The following CEP250 variants were observed in gnomAD, a reference collection of about 807,000 sequenced individuals.
CEP250 encodes the protein centrosome-associated protein CEP250.
CEP250 carries 242 observed loss-of-function variants against 315.7 expected under a neutral mutation model. The ratio of observed to expected loss-of-function variants is 0.77; its 90% CI spans 0.69 to 0.85. The LOEUF (loss-of-function observed/expected upper bound fraction) is 0.85. CEP250 is among the 40% of genes least tolerant of loss of function. The pLI, the probability that CEP250 is intolerant of heterozygous loss-of-function variation, is 0.00. For synonymous variants in CEP250, 1,088 were observed against 1,175.0 expected (o/e 0.93, Z 1.51); for missense variants, 2,515 against 2,886.4 (o/e 0.87, Z 2.95).
chr20:35,467,155 A>G, intron 8 of CEP250, 83 bp downstream of exon 8: 1 of 324,638 alleles, frequency 3.1e-6, no homozygotes. Context: ...AAGCGGGATC[A>G]GCTGTGGGGG....
At chr20:35,458,752 G>C (rs555861884) in intron 2 of CEP250, among the ~76,000 whole-genome samples, 1 of 152,134 alleles carries the variant, frequency 6.6e-6, no homozygotes, top group Non-Finnish European at 1.5e-5. Context: ...AGATTCCTGA[G>C]ATAATTTTTC....
chr20:35,485,542 G>A (rs2063485001), intron 20 of CEP250, among the ~76,000 whole-genome samples: 2 of 148,112 alleles, frequency 1.4e-5, no homozygotes, highest in South Asian at 4.4e-4. Context: ...CCAGGCTAGA[G>A]TATAGTGGCA....
chr20:35,489,164 G>A (rs1433040333), intron 20 of CEP250, among the ~76,000 whole-genome samples: 1 of 150,208 alleles, frequency 6.7e-6, no homozygotes, highest in African/African-American at 2.5e-5. Flanking sequence ...CTCCAGCCTG[G>A]GCGATAGAGT....
rs1316003631 is a variant in CEP250 at position 35,504,096 on chromosome 20, G to C, written c.5727G>C (p.Gln1909His). The stretch of plus-strand genomic sequence containing the variant: ...AAGCTCTGTTGGCCCTCCAGCAGCA[G>C]TGTGCTGAGCAGGCACAGGAGCATG... The part of the protein sequence containing the change: ...QEKALLALQQ[Q>H]CAEQAQEHEV... The change falls in exon 30 of 35, where the codon CAG (glutamine) becomes CAC (histidine). Residue 1909 changes from glutamine (Q) to histidine (H), a missense_variant. Transcript: ENST00000397527. 8 of 1,611,088 alleles carry C rather than the reference G, an allele frequency of 5.0e-6. No homozygotes were observed. In the South Asian group the frequency reaches 8.8e-5, roughly 18 times the overall value.
intron 15 of CEP250, 63 bp from the exon 16 acceptor site, chr20:35,476,386 G>T: frequency 2.0e-6 from 3 of 1,505,872 alleles, no homozygotes; most frequent in South Asian, 2.3e-5. Context: ...TTGGGAATGT[G>T]AACTGTTTAC....
At chr20:35,501,812 C>T in intron 28 of CEP250, 33 bp from the exon 29 acceptor site, 1 of 1,495,618 alleles carries the variant, frequency 6.7e-7, no homozygotes, top group African/African-American at 1.9e-5. Context: ...TCTTACTCCA[C>T]TACCTCTCCT....
At chr20:35,465,940 G>T in intron 6 of CEP250, 99 bp from the exon 7 acceptor site, 3 of 1,545,982 alleles carry the variant, frequency 1.9e-6, no homozygotes, top group Non-Finnish European at 2.6e-6. Context: ...TCTAATTCCT[G>T]CAATGGAAAA....
At chr20:35,456,506 A>G (rs898099870) in intron 1 of CEP250, among the ~76,000 whole-genome samples, 1 of 152,208 alleles carries the variant, frequency 6.6e-6, no homozygotes, top group African/African-American at 2.4e-5. Flanking sequence ...TATAGAGGTC[A>G]CAACAAAACC....
intron 21 of CEP250, 178 bp downstream of exon 21, chr20:35,490,982 T>G: frequency 1.2e-6 from 1 of 806,110 alleles, no homozygotes. Context: ...TCCGGCAGTA[T>G]GTCATACTTC....
Position 35,513,621 on chromosome 20 carries a change from A to C in CEP250, c.*1995A>C, listed in dbSNP as rs2064399960. The C allele has an allele frequency of 6.6e-6, 1 of 152,150 alleles. No individual in the cohort carries two copies. The highest frequency in any genetic ancestry group is 1.5e-5 in the Non-Finnish European group (1 of 68,044). 9.4% of individuals were successfully genotyped at this position (152,150 alleles called of 1,614,324 possible). A position where few individuals can be genotyped will look rare whatever the true frequency, so the allele number is the denominator to read the frequency against. ...GACTTCTCTTGGTTGTTCACTTGTT[A>C]CATCCTCCAGCCCTGGTTCTCAGGC... is the stretch of plus-strand genomic sequence containing the variant. On this transcript the variant is annotated 3_prime_UTR_variant, in exon 35 of 35. Coordinates refer to ENST00000397527, the MANE Select transcript of CEP250 (RefSeq NM_007186.6).
At chr20:35,502,037 TC>T in intron 29 of CEP250, 71 bp downstream of exon 29, 1 of 1,532,224 alleles carries the variant, frequency 6.5e-7, no homozygotes, top group South Asian at 1.2e-5. Context: ...TGGCCTGTGG[TC>T]CTGTGTCCCA....
intron 24 of CEP250, among the ~76,000 whole-genome samples, chr20:35,495,815 A>G (rs957313683): frequency 2.0e-5 from 3 of 152,302 alleles, no homozygotes; most frequent in African/African-American, 7.2e-5. Flanking sequence ...TTGGTGGTGA[A>G]TCTAGAGGCA....
chr20:35,469,797 T>A, intron 9 of CEP250, 93 bp from the exon 10 acceptor site: 1 of 695,450 alleles, frequency 1.4e-6, no homozygotes, highest in Non-Finnish European at 2.3e-6. Flanking sequence ...TTGGGAGTGG[T>A]TGGGGTTGGG....
rs1247951892 is a variant in CEP250 at position 35,504,429 on chromosome 20, G to A, written c.6060G>A (p.Arg2020=). Residue 2020 remains arginine, a synonymous_variant, in exon 30 of 35, where the codon AGG becomes AGA. Coordinates refer to ENST00000397527, the MANE Select transcript of CEP250 (RefSeq NM_007186.6). ...GTCGGCAGCTGGAGGAGGCTCTGAG[G>A]ATACAAGAAGGTGAGATCCAGGACC... ...AHSRQLEEAL[R]IQEGEIQDQD... is the part of the protein sequence containing the mutation. 1 of 1,610,176 alleles carries A rather than the reference G, an allele frequency of 6.2e-7. No homozygotes were observed. The highest frequency in any genetic ancestry group is 1.1e-5 in the South Asian group (1 of 90,202).
chr20:35,511,997 G>A lies in CEP250; in HGVS notation c.*371G>A, dbSNP rs994312096. 1.3e-5 allele frequency: 14 copies of A among 1,045,986 alleles called. No homozygotes were observed. Among genetic ancestry groups the A allele is most frequent in the African/African-American group, 1.7e-5 (1 of 59,364 alleles). 64.8% of individuals were successfully genotyped at this position (1,045,986 alleles called of 1,614,324 possible). The stretch of plus-strand genomic sequence containing the variant: ...TCATTTTCTGCTGCTGTCTCCACTT[G>A]TGCAGCTGGGTGGCAGCACCACATC... On this transcript the variant is annotated 3_prime_UTR_variant, in exon 35 of 35. Coordinates refer to ENST00000397527, the MANE Select transcript of CEP250 (RefSeq NM_007186.6).
chr20:35,487,997 C>A (rs2063567183), intron 20 of CEP250, among the ~76,000 whole-genome samples: 1 of 152,208 alleles, frequency 6.6e-6, no homozygotes, highest in African/African-American at 2.4e-5. Context: ...TTACCAGGAA[C>A]AAATGAGCCT....
In CEP250 at chr20:35,480,155, C is replaced by T; in HGVS notation, c.2586+10C>T. The T allele has an allele frequency of 6.2e-7, 1 of 1,607,202 alleles. No individual in the cohort carries two copies. On this transcript the variant is annotated intron_variant, in intron 20 of 34. Transcript: ENST00000397527. ...GCTCCGGGAGAAATGGGTAAGTGGT[C>T]AATGTGGCCGGGTATGGCCTCCCTT... is the stretch of plus-strand genomic sequence containing the variant.
In CEP250 at chr20:35,511,336, C is replaced by CTT. The variant is rs746660579; in HGVS notation, c.7066-14_7066-13dup. 385 of 1,094,072 alleles carry CTT rather than the reference C, an allele frequency of 3.5e-4. 2 individuals are homozygous for CTT. Among genetic ancestry groups the CTT allele is most frequent in the South Asian group, 6.0e-4 (38 of 63,022 alleles). 67.8% of individuals were successfully genotyped at this position (1,094,072 alleles called of 1,614,324 possible). On this transcript the variant is annotated intron_variant, in intron 34 of 34. Coordinates refer to ENST00000397527, the MANE Select transcript of CEP250 (RefSeq NM_007186.6). ...ACTTCAGGGCCCTCAGCTGCTCTCG[C>CTT]TTTTTTTTTTTTTTCCTGCCCACCA...
Position 35,502,458 on chromosome 20 carries a change from T to A in CEP250, c.4089T>A (p.Ala1363=). The change falls in exon 30 of 35, where the codon GCT becomes GCA. Residue 1363 remains alanine, a synonymous_variant. Transcript: ENST00000397527. ...LTAQVEHLQA[A]VVEARAQASA... is the part of the protein sequence containing the mutation. Reference sequence around the variant, plus strand: ...CCCAGGTGGAACACCTGCAAGCAGCTGTCGTAGAAGCCAGGGCTCAGGCAA... The same window carrying A: ...CCCAGGTGGAACACCTGCAAGCAGCAGTCGTAGAAGCCAGGGCTCAGGCAA... The A allele has an allele frequency of 6.2e-7, 1 of 1,614,152 alleles. No individual in the cohort carries two copies. The highest frequency in any genetic ancestry group is 8.5e-7 in the Non-Finnish European group (1 of 1,180,014).
Sources: gnomAD v4.1 joint callset for allele counts (sites outside exome capture counted in the v4.1 genomes callset) on GRCh38, gnomAD v4.1.1 for gene constraint, MANE v1.5 for transcripts, NCBI Gene and HGNC (gene_info 2026-07-23, HGNC 2026-07-21) for gene names.